Variants in IGSF21 observed in about 807,000 individuals in gnomAD.
The protein encoded by IGSF21 is immunoglobulin superfamily member 21.
IGSF21 carries 28 observed loss-of-function variants against 46.8 expected under a neutral mutation model. That is an observed-to-expected ratio of 0.60 (90% CI 0.44 to 0.82). The LOEUF (loss-of-function observed/expected upper bound fraction) is 0.82, where lower values mean the gene tolerates loss of function less well. Among genes scored for constraint, IGSF21 ranks in the 40% least tolerant of loss-of-function variants. The pLI is 0.00. For missense variants in IGSF21, 624 were observed against 665.5 expected (o/e 0.94, Z 0.69); for synonymous variants, 284 against 273.6 (o/e 1.04, Z -0.38).
At chr1:18,205,239 G>A (rs763960) in intron 1 of IGSF21, among the ~76,000 whole-genome samples, 128,152 of 152,024 alleles carry the variant, frequency 0.84, 54,213 homozygotes, top group Non-Finnish European at 0.88. Context: ...AGTGGTTTAT[G>A]GGAGAAGATT....
At chr1:18,247,485 G>A (rs2084796713) in intron 2 of IGSF21, among the ~76,000 whole-genome samples, 1 of 152,118 alleles carries the variant, frequency 6.6e-6, no homozygotes, top group African/African-American at 2.4e-5. Flanking sequence ...CAAAGCATCA[G>A]AGGTGAAAGT....
chr1:18,376,165 G>A, intron 6 of IGSF21, 145 bp from the exon 7 acceptor site: 2 of 712,806 alleles, frequency 2.8e-6, no homozygotes, highest in Non-Finnish European at 5.2e-6. Flanking sequence ...AGCTGTGAAT[G>A]AGTGAATGAA....
rs929425872 is a variant in IGSF21, at chr1:18,355,716, G to T, written c.425-6399G>T. Among the ~76,000 whole-genome samples the T allele has an allele frequency of 5.3e-5, 8 of 152,134 alleles. No individual in the cohort carries two copies. The South Asian group carries it at 1.7e-3, about 32-fold the overall frequency. On this transcript the variant is annotated intron_variant, in intron 4 of 9. Coordinates refer to ENST00000251296, the MANE Select transcript of IGSF21 (RefSeq NM_032880.5). ...GGTATCCTTGGTTGATCATCATGGT[G>T]GACTTATAGAATAGGGTCGGCCTTT... is the stretch of plus-strand genomic sequence containing the variant.
intron 3 of IGSF21, among the ~76,000 whole-genome samples, chr1:18,308,417 T>C (rs1421824214): frequency 1.3e-5 from 2 of 152,096 alleles, no homozygotes; most frequent in Non-Finnish European, 2.9e-5. Context: ...GGCGGGATGA[T>C]TGGGTCATAG....
At chr1:18,275,387 C>A in intron 2 of IGSF21, among the ~76,000 whole-genome samples, 1 of 152,166 alleles carries the variant, frequency 6.6e-6, no homozygotes, top group South Asian at 2.1e-4. Context: ...ACTGACCTTC[C>A]CGTCTCAGCA....
intron 4 of IGSF21, among the ~76,000 whole-genome samples, chr1:18,346,837 C>T (rs1471545947): frequency 6.6e-6 from 1 of 152,132 alleles, no homozygotes; most frequent in Non-Finnish European, 1.5e-5. Context: ...GGGCTGCAGC[C>T]CACAGGACTG....
At chr1:18,273,429 C>T (rs2085065283) in intron 2 of IGSF21, among the ~76,000 whole-genome samples, 2 of 134,710 alleles carry the variant, frequency 1.5e-5, no homozygotes, top group South Asian at 2.3e-4. Flanking sequence ...CCTTTCCTTT[C>T]CTTTCTTTCT....
Position 18,377,278 on chromosome 1 carries a change from T to C in IGSF21, c.1295-115T>C, listed in dbSNP as rs1204119192. 6.2e-6 allele frequency: 6 copies of C among 973,218 alleles called. No homozygotes were observed. In the African/African-American group the frequency reaches 6.4e-5, roughly 10 times the overall value. The allele number at this position is 973,218 out of a possible 1,614,324, so 60.3% of individuals were successfully genotyped here. ...CCAGCTCCCCTGAAGGTTGTGTGGC[T>C]GCACTGAGACAGTGCGTGTGATACC... On this transcript the variant is annotated intron_variant, in intron 8 of 9. Transcript: ENST00000251296.
intron 2 of IGSF21, among the ~76,000 whole-genome samples, chr1:18,261,370 A>T (rs2084945407): frequency 6.6e-6 from 1 of 152,160 alleles, no homozygotes; most frequent in Non-Finnish European, 1.5e-5. Flanking sequence ...CAAACTGAGG[A>T]CTAGCTAAAA....
intron 1 of IGSF21, among the ~76,000 whole-genome samples, chr1:18,180,634 A>G (rs112831491): frequency 1.9e-4 from 29 of 152,322 alleles, no homozygotes; most frequent in African/African-American, 7.0e-4. Context: ...TCAGCATTTC[A>G]GTTTCTGTCT....
intron 4 of IGSF21, among the ~76,000 whole-genome samples, chr1:18,346,869 C>A (rs1478906610): frequency 6.6e-6 from 1 of 152,088 alleles, no homozygotes; most frequent in Non-Finnish European, 1.5e-5. Flanking sequence ...GTCAGGGGCC[C>A]CTGAGCTGGA....
intron 1 of IGSF21, among the ~76,000 whole-genome samples, chr1:18,168,474 TC>T (rs2086701269): frequency 6.6e-6 from 1 of 152,158 alleles, no homozygotes; most frequent in Admixed American, 6.5e-5. Flanking sequence ...CCCTGGGTCA[TC>T]GTCACTTAGA....
At chr1:18,232,589 G>C (rs1360074838) in intron 2 of IGSF21, among the ~76,000 whole-genome samples, 1 of 152,184 alleles carries the variant, frequency 6.6e-6, no homozygotes, top group Non-Finnish European at 1.5e-5. Flanking sequence ...TGCCTTCCCT[G>C]ACTTCTCCAG....
intron 2 of IGSF21, among the ~76,000 whole-genome samples, chr1:18,229,402 C>T (rs2084601575): frequency 6.6e-6 from 1 of 152,184 alleles, no homozygotes; most frequent in South Asian, 2.1e-4. Flanking sequence ...CTTCAGTCTC[C>T]TTCTTGCTCT....
chr1:18,245,146 TTA>T (rs1286701647), intron 2 of IGSF21, among the ~76,000 whole-genome samples: 9 of 152,240 alleles, frequency 5.9e-5, no homozygotes, highest in African/African-American at 1.9e-4. Flanking sequence ...AGGAATGCAT[TTA>T]TAATTTTAAC....
In IGSF21 at chr1:18,108,154, G is replaced by C; in HGVS notation, c.26G>C (p.Arg9Pro). 1 of 1,443,132 alleles carries C rather than the reference G, an allele frequency of 6.9e-7. No homozygotes were observed. Among genetic ancestry groups the C allele is most frequent in the Non-Finnish European group, 9.1e-7 (1 of 1,100,434 alleles). The allele number at this position is 1,443,132 out of a possible 1,614,324, so 89.4% of individuals were successfully genotyped here. MRTAPSLR[R>P]CVCLLLAAIL... ...ATGCGAACCGCCCCGAGCCTCCGCC[G>C]CTGCGTCTGCCTGCTGCTCGCCGCG... is the stretch of plus-strand genomic sequence containing the variant. Residue 9 changes from arginine (R) to proline (P), a missense_variant, in exon 1 of 10, where the codon CGC (arginine) becomes CCC (proline). By Grantham distance (103) the Arg-to-Pro change is moderately radical. Coordinates refer to ENST00000251296, the MANE Select transcript of IGSF21 (RefSeq NM_032880.5).
At chr1:18,149,099 C>T (rs775962242) in intron 1 of IGSF21, among the ~76,000 whole-genome samples, 1 of 152,200 alleles carries the variant, frequency 6.6e-6, no homozygotes, top group Non-Finnish European at 1.5e-5. Context: ...CCGTAGTACT[C>T]CTGCGGCCCA....
chr1:18,327,080 C>G lies in IGSF21; in HGVS notation c.306-7812C>G, dbSNP rs541310577. Among the ~76,000 whole-genome samples the G allele has an allele frequency of 2.0e-5, 3 of 152,326 alleles. 1 individual carries two copies. In the South Asian group the frequency reaches 6.2e-4, roughly 32 times the overall value. On this transcript the variant is annotated intron_variant, in intron 3 of 9. Transcript: ENST00000251296. ...CCAGGCAAATGTCATGCACCCTTTTCTCATAGAGAAATCCTGTAGCTCCCC... is the reference window on the plus strand; with the variant it reads ...CCAGGCAAATGTCATGCACCCTTTTGTCATAGAGAAATCCTGTAGCTCCCC...
intron 1 of IGSF21, among the ~76,000 whole-genome samples, chr1:18,227,330 A>C (rs1233045812): frequency 6.6e-6 from 1 of 151,966 alleles, no homozygotes; most frequent in Non-Finnish European, 1.5e-5. Flanking sequence ...GGCACTTAGA[A>C]CACCATGTCC....
Sources: gnomAD v4.1 joint callset for allele counts (sites outside exome capture counted in the v4.1 genomes callset) on GRCh38, gnomAD v4.1.1 for gene constraint, MANE v1.5 for transcripts, NCBI Gene and HGNC (gene_info 2026-07-23, HGNC 2026-07-21) for gene names.